The following DCLK2 variants were observed in gnomAD, a reference collection of about 807,000 sequenced individuals.
DCLK2 encodes serine/threonine-protein kinase DCLK2.
DCLK2 carries 31 observed loss-of-function variants against 78.4 expected under a neutral mutation model. The ratio of observed to expected loss-of-function variants is 0.40; its 90% CI spans 0.30 to 0.53. The LOEUF (loss-of-function observed/expected upper bound fraction) is 0.53, where lower values mean the gene tolerates loss of function less well. Ranked by LOEUF, DCLK2 falls within the 20% of genes least tolerant of loss-of-function variation. The pLI is 0.61. For synonymous variants in DCLK2, 407 were observed against 374.9 expected (o/e 1.09, Z -0.99); for missense variants, 872 against 973.7 (o/e 0.90, Z 1.39).
chr4:150,131,649 G>T (rs1302643041), intron 2 of DCLK2, among the ~76,000 whole-genome samples: 1 of 152,130 alleles, frequency 6.6e-6, no homozygotes, highest in South Asian at 2.1e-4. Flanking sequence ...TTACTGGAGA[G>T]ACTGGGTCCC....
intron 2 of DCLK2, among the ~76,000 whole-genome samples, chr4:150,122,201 A>G (rs1732599330): frequency 6.6e-6 from 1 of 152,184 alleles, no homozygotes; most frequent in Non-Finnish European, 1.5e-5. Context: ...AGTTTATGGA[A>G]TATTCTAAAT....
chr4:150,185,295 C>T (rs1303305882), intron 2 of DCLK2, among the ~76,000 whole-genome samples: 1 of 152,134 alleles, frequency 6.6e-6, no homozygotes, highest in East Asian at 1.9e-4. Flanking sequence ...CACAGGGGGA[C>T]CACCCCCATG....
chr4:150,086,795 C>T (rs571298718), intron 1 of DCLK2, among the ~76,000 whole-genome samples: 102 of 152,162 alleles, frequency 6.7e-4, no homozygotes, highest in Non-Finnish European at 1.1e-3. Context: ...CGTGAACCAC[C>T]GTGCCCGGCC....
At chr4:150,183,975 C>A (rs1421825303) in intron 2 of DCLK2, among the ~76,000 whole-genome samples, 1 of 152,160 alleles carries the variant, frequency 6.6e-6, no homozygotes, top group East Asian at 1.9e-4. Context: ...CCCAAGTGAT[C>A]TGCCTGCCTT....
chr4:150,111,240 G>A (rs1250381626), intron 2 of DCLK2, among the ~76,000 whole-genome samples: 1 of 152,000 alleles, frequency 6.6e-6, no homozygotes. Flanking sequence ...GATGATTAAT[G>A]ATGTGGAGCA....
chr4:150,103,548 TA>T (rs1389789743), intron 2 of DCLK2, among the ~76,000 whole-genome samples: 3 of 152,186 alleles, frequency 2.0e-5, no homozygotes, highest in African/African-American at 7.2e-5. Flanking sequence ...TCCATAAAGT[TA>T]AATTGTTTAT....
intron 5 of DCLK2, among the ~76,000 whole-genome samples, chr4:150,214,235 A>G (rs1295144400): frequency 6.6e-6 from 1 of 152,188 alleles, no homozygotes; most frequent in Non-Finnish European, 1.5e-5. Context: ...GATGTTCTCA[A>G]CCTTGGCTGC....
At chr4:150,254,736 G>A (rs892793094) in intron 15 of DCLK2, among the ~76,000 whole-genome samples, 11 of 152,040 alleles carry the variant, frequency 7.2e-5, no homozygotes, top group East Asian at 1.9e-4. Context: ...ACTGGAGTGC[G>A]GTGGTGTGAT....
rs1334168349 is a variant in DCLK2 at position 150,249,557 on chromosome 4, C to T, written c.1957-11C>T. On this transcript the variant is annotated splice_polypyrimidine_tract_variant and intron_variant, in intron 14 of 15. Transcript: ENST00000296550. The stretch of plus-strand genomic sequence containing the variant: ...AAAAAGCATTGTATTTGATTGTTTT[C>T]TTTCCTGTAGGATGATGCCTCCCAG... 1.2e-6 allele frequency: 2 copies of T among 1,608,474 alleles called. No homozygotes were observed. Among genetic ancestry groups the T allele is most frequent in the Non-Finnish European group, 1.7e-6 (2 of 1,175,320 alleles).
At chr4:150,224,041 A>G (rs913875798) in intron 7 of DCLK2, among the ~76,000 whole-genome samples, 3 of 152,152 alleles carry the variant, frequency 2.0e-5, no homozygotes, top group East Asian at 1.9e-4. Context: ...AGATTTACAT[A>G]TAGAAAAACT....
intron 1 of DCLK2, among the ~76,000 whole-genome samples, chr4:150,084,651 C>A (rs905449909): frequency 1.3e-5 from 2 of 152,136 alleles, no homozygotes; most frequent in African/African-American, 4.8e-5. Context: ...CACAGTGATA[C>A]TCTGGAAGTT....
chr4:150,133,806 C>T (rs1733498318), intron 2 of DCLK2, among the ~76,000 whole-genome samples: 2 of 152,100 alleles, frequency 1.3e-5, no homozygotes, highest in African/African-American at 4.8e-5. Flanking sequence ...GCATTAGATT[C>T]AGTTCATGAG....
chr4:150,150,724 A>C (rs1395779997), intron 2 of DCLK2, among the ~76,000 whole-genome samples: 2 of 152,186 alleles, frequency 1.3e-5, no homozygotes, highest in African/African-American at 4.8e-5. Context: ...TGTCCTGCCT[A>C]ATGCCCCAAA....
At chr4:150,109,482 G>A (rs950275230) in intron 2 of DCLK2, among the ~76,000 whole-genome samples, 1 of 151,972 alleles carries the variant, frequency 6.6e-6, no homozygotes. Flanking sequence ...TTACAGGCAC[G>A]TGCAACTACA....
At chr4:150,118,995 AG>A (rs1222983128) in intron 2 of DCLK2, among the ~76,000 whole-genome samples, 8 of 151,866 alleles carry the variant, frequency 5.3e-5, no homozygotes, top group African/African-American at 1.7e-4. Flanking sequence ...ACTGCACTCC[AG>A]CCTCGACAAC....
chr4:150,104,126 G>A (rs1183116189), intron 2 of DCLK2, among the ~76,000 whole-genome samples: 4 of 151,930 alleles, frequency 2.6e-5, no homozygotes, highest in East Asian at 1.9e-4. Context: ...CAATTTAGGG[G>A]AAAAAGGCAT....
intron 2 of DCLK2, among the ~76,000 whole-genome samples, chr4:150,156,266 C>A (rs1735262698): frequency 6.6e-6 from 1 of 151,926 alleles, no homozygotes; most frequent in Non-Finnish European, 1.5e-5. Flanking sequence ...CTGACAAGAT[C>A]CTGAGAAGGC....
At chr4:150,226,528 AAAAAAT>A (rs1741630840) in intron 8 of DCLK2, among the ~76,000 whole-genome samples, 1 of 152,070 alleles carries the variant, frequency 6.6e-6, no homozygotes, top group Non-Finnish European at 1.5e-5. Context: ...AACAGTAAAA[AAAAAAT>A]AAAAAGGTGC....
At chr4:150,236,940 A>G (rs917871638) in intron 10 of DCLK2, among the ~76,000 whole-genome samples, 5 of 152,144 alleles carry the variant, frequency 3.3e-5, no homozygotes, top group African/African-American at 1.2e-4. Context: ...TTTATAGAGG[A>G]TGTGAAAAAC....
Sources: allele counts gnomAD v4.1 joint callset (sites outside exome capture counted in the v4.1 genomes callset), GRCh38; gene constraint gnomAD v4.1.1; transcripts MANE v1.5; gene names NCBI Gene and HGNC (gene_info 2026-07-23, HGNC 2026-07-21).